SHFL: variants seen among roughly 807,000 people sequenced by gnomAD.
SHFL encodes the protein shiftless antiviral inhibitor of ribosomal frameshifting.
SHFL carries 12 observed loss-of-function variants against 34.7 expected under a neutral mutation model. That is an observed-to-expected ratio of 0.35 (90% CI 0.22 to 0.56). The LOEUF is 0.56. SHFL is among the 20% of genes least tolerant of loss of function. SHFL has a pLI of 0.88. For synonymous variants in SHFL, 148 were observed against 156.0 expected (o/e 0.95, Z 0.38); for missense variants, 278 against 411.1 (o/e 0.68, Z 2.80).
In SHFL at chr19:10,092,791, G is replaced by A. The variant is rs756878062; in HGVS notation, c.*489G>A. The A allele has an allele frequency of 6.3e-7, 1 of 1,584,514 alleles. No individual in the cohort carries two copies. The highest frequency in any genetic ancestry group is 1.1e-5 in the South Asian group (1 of 88,796). On this transcript the variant is annotated 3_prime_UTR_variant, in exon 8 of 8. Coordinates refer to ENST00000253110, the MANE Select transcript of SHFL (RefSeq NM_018381.4). ...CAGGGCACAGTTACCTGAGGGGAGA[G>A]AGAGAGTCCATGTCCTCTCACCAGA...
At position 10,086,502 on chromosome 19, in the gene SHFL, G is replaced by A; in HGVS notation, c.21+54G>A. 3 of 1,328,210 alleles carry A rather than the reference G, an allele frequency of 2.3e-6. No individual in the cohort carries two copies. The highest frequency in any genetic ancestry group is 2.9e-6 in the Non-Finnish European group (3 of 1,031,838). The allele number at this position is 1,328,210 out of a possible 1,614,324, so 82.3% of individuals were successfully genotyped here. A position where few individuals can be genotyped will look rare whatever the true frequency, so the allele number is the denominator to read the frequency against. ...TCAGCCGCGACAGACCCCGAGGAGCGGCCGGGAGGCGCGGAGGGGGCTTCG... is the reference window on the plus strand; with the variant it reads ...TCAGCCGCGACAGACCCCGAGGAGCAGCCGGGAGGCGCGGAGGGGGCTTCG... On this transcript the variant is annotated intron_variant, in intron 1 of 7. Coordinates refer to ENST00000253110, the MANE Select transcript of SHFL (RefSeq NM_018381.4). The surrounding 1 kb of genome is among the most constrained non-coding windows in gnomAD (Gnocchi z 5.2).
In SHFL at chr19:10,087,143, C is replaced by T. The variant is rs1054924224; in HGVS notation, c.145+91C>T. 27 of 1,588,316 alleles carry T rather than the reference C, an allele frequency of 1.7e-5. No homozygotes were observed. The Admixed American group carries it at 3.2e-4, about 19-fold the overall frequency. On this transcript the variant is annotated intron_variant, in intron 2 of 7. Transcript: ENST00000253110. ...CTAGGGAGAGGCGTTGAGATCACCT[C>T]CCCCGGAGGTCCCAGCCTTGGGGAG...
intron 3 of SHFL, 55 bp downstream of exon 3, chr19:10,087,355 G>A (rs763658576): frequency 6.2e-7 from 1 of 1,604,272 alleles, no homozygotes. Context: ...AGAGCAAGAG[G>A]GGGGACCCGA....
chr19:10,092,898 C>G lies in SHFL; in HGVS notation c.*596C>G, dbSNP rs1205474312. ...CCCTCCCATTCTTATTGAATACAAG[C>G]CCTGATCTTCCATCTCCTCAGCAAA... On this transcript the variant is annotated 3_prime_UTR_variant, in exon 8 of 8. Transcript: ENST00000253110. 4 of 824,800 alleles carry G rather than the reference C, an allele frequency of 4.8e-6. No individual in the cohort carries two copies. The highest frequency in any genetic ancestry group is 7.1e-6 in the Non-Finnish European group (4 of 562,160). 51.1% of individuals were successfully genotyped at this position (824,800 alleles called of 1,614,324 possible).
intron 2 of SHFL, 79 bp from the exon 3 acceptor site, chr19:10,087,172 C>G (rs2073185465): frequency 1.2e-6 from 2 of 1,601,938 alleles, no homozygotes; most frequent in Admixed American, 3.4e-5. Flanking sequence ...TGGGGAGGCT[C>G]TGCGTCGCGG....
At chr19:10,089,081 C>T (rs771971817) in intron 3 of SHFL, 34 of 569,884 alleles carry the variant, frequency 6.0e-5, no homozygotes, top group Non-Finnish European at 9.6e-5. Flanking sequence ...CCCCAGGAGA[C>T]AGGTCCTATT....
chr19:10,090,293 C>G (rs536301444), intron 5 of SHFL: 1 of 526,052 alleles, frequency 1.9e-6, no homozygotes, highest in Non-Finnish European at 3.4e-6. Flanking sequence ...CACAATTGAA[C>G]AGCTACTACA....
In SHFL at chr19:10,090,071, G is replaced by A. The variant is rs757891893; in HGVS notation, c.384+24G>A. On this transcript the variant is annotated intron_variant, in intron 5 of 7. Coordinates refer to ENST00000253110, the MANE Select transcript of SHFL (RefSeq NM_018381.4). ...AGGTGATGACCTAAAACTTAACCTC[G>A]ACTTTGACTGTCCCGAACTCCACTC... 1.6e-5 allele frequency: 25 copies of A among 1,588,176 alleles called. No individual in the cohort carries two copies. The East Asian group carries it at 2.5e-4, about 16-fold the overall frequency.
In SHFL at chr19:10,086,549, C is replaced by T; in HGVS notation, c.21+101C>T. On this transcript the variant is annotated intron_variant, in intron 1 of 7. Coordinates refer to ENST00000253110, the MANE Select transcript of SHFL (RefSeq NM_018381.4). The surrounding 1 kb of genome is among the most constrained non-coding windows in gnomAD (Gnocchi z 5.2). ...TTCGCAGTTCCTGGGGACCCCCATC[C>T]TAGAACCCCAGATCCTTACCCCTGC... The T allele has an allele frequency of 1.8e-6, 2 of 1,135,106 alleles. No homozygotes were observed. The highest frequency in any genetic ancestry group is 3.1e-5 in the East Asian group (1 of 32,022). 70.3% of individuals were successfully genotyped at this position (1,135,106 alleles called of 1,614,324 possible). A position where few individuals can be genotyped will look rare whatever the true frequency, so the allele number is the denominator to read the frequency against.
At position 10,091,565 on chromosome 19, in the gene SHFL, G is replaced by A. The variant is rs1445344591; in HGVS notation, c.578G>A (p.Arg193Gln). ...PTRILPPRWD[R>Q]DPDRRSTHTH... ...CGGATCCTCCCCCCGCGCTGGGACC[G>A]GGACCCGGATCGCCGCAGCACCCAC... Residue 193 changes from arginine to glutamine, a missense_variant, in exon 7 of 8, where the codon CGG becomes CAG. Arg to Gln is a conservative substitution (Grantham distance 43, BLOSUM62 1). Transcript: ENST00000253110. This position sits in a 1 kb window ranked among gnomAD's most constrained non-coding sequence, Gnocchi z 8.2. 10 of 1,551,232 alleles carry A rather than the reference G, an allele frequency of 6.4e-6. No individual in the cohort carries two copies. Among genetic ancestry groups the A allele is most frequent in the African/African-American group, 1.4e-5 (1 of 73,032 alleles).
chr19:10,087,246 C>G lies in SHFL; in HGVS notation c.146-5C>G. 1.2e-6 allele frequency: 2 copies of G among 1,614,024 alleles called. No individual in the cohort carries two copies. The highest frequency in any genetic ancestry group is 8.5e-7 in the Non-Finnish European group (1 of 1,179,886). ...CCCTTCCCTTATATGCACTCTCCCC[C>G]GCAGGGGTAAAGCAAAAAGATGGCC... On this transcript the variant is annotated splice_region_variant and splice_polypyrimidine_tract_variant and intron_variant, in intron 2 of 7. Coordinates refer to ENST00000253110, the MANE Select transcript of SHFL (RefSeq NM_018381.4).
chr19:10,090,826 T>G (rs2088370500), intron 5 of SHFL, among the ~76,000 whole-genome samples: 1 of 151,808 alleles, frequency 6.6e-6, no homozygotes, highest in South Asian at 2.1e-4. Context: ...GAGGATCGTT[T>G]GAGCCTGGGA....
chr19:10,093,003 T>A lies in SHFL; in HGVS notation c.*701T>A. On this transcript the variant is annotated 3_prime_UTR_variant, in exon 8 of 8. Coordinates refer to ENST00000253110, the MANE Select transcript of SHFL (RefSeq NM_018381.4). The stretch of plus-strand genomic sequence containing the variant: ...CCCTATCTCCTTACCAAAGTACAAG[T>A]CACATCTTTCCCACCTTTTCTGCAA... 1 of 496,340 alleles carries A rather than the reference T, an allele frequency of 2.0e-6. No individual in the cohort carries two copies. Among genetic ancestry groups the A allele is most frequent in the Admixed American group, 3.7e-5 (1 of 27,388 alleles). 30.7% of individuals were successfully genotyped at this position (496,340 alleles called of 1,614,324 possible).
rs569120318 is a variant in SHFL, at chr19:10,092,243, AAGGAGG to A, written c.828_833del (p.Glu280_Glu281del). The A allele has an allele frequency of 1.9e-6, 3 of 1,610,838 alleles. No individual in the cohort carries two copies. The highest frequency in any genetic ancestry group is 1.3e-5 in the African/African-American group (1 of 74,902). ...GGACAACCTCATCCTGGAGGACCTGAAGGAGGAGGAGGAGGAAGAGGAGGAGGTGGA... is the reference window on the plus strand; with the variant it reads ...GGACAACCTCATCCTGGAGGACCTGAAGGAGGAGGAAGAGGAGGAGGTGGA... On this transcript the variant is annotated inframe_deletion, in exon 8 of 8. Transcript: ENST00000253110.
chr19:10,088,655 TAGC>T (rs1336343909), intron 3 of SHFL, among the ~76,000 whole-genome samples: 1 of 148,936 alleles, frequency 6.7e-6, no homozygotes, highest in Non-Finnish European at 1.5e-5. Context: ...ATAAAAATGA[TAGC>T]AGAGGGGCCA....
At chr19:10,090,686 A>G (rs2088367779) in intron 5 of SHFL, among the ~76,000 whole-genome samples, 2 of 151,506 alleles carry the variant, frequency 1.3e-5, no homozygotes, top group Admixed American at 1.3e-4. Flanking sequence ...CAAGCAATCT[A>G]CCACCTCAGC....
Position 10,086,988 on chromosome 19 carries a change from G to A in SHFL, c.81G>A (p.Lys27=), listed in dbSNP as rs750889944. 73 of 1,613,696 alleles carry A rather than the reference G, an allele frequency of 4.5e-5. 2 individuals are homozygous for A. The South Asian group carries it at 6.7e-4, about 15-fold the overall frequency. ...EKFHGKVSSK[K]AGALMRKFGS... ...TTCATGGGAAGGTATCCTCCAAGAA[G>A]GCGGGGGCTCTGATGAGGAAATTCG... The change falls in exon 2 of 8, where the codon AAG becomes AAA. Residue 27 remains lysine, a synonymous_variant. Transcript: ENST00000253110. The surrounding 1 kb of genome is among the most constrained non-coding windows in gnomAD (Gnocchi z 5.2).
At chr19:10,089,783 G>A in intron 4 of SHFL, 88 bp downstream of exon 4, 1 of 1,555,004 alleles carries the variant, frequency 6.4e-7, no homozygotes, top group South Asian at 1.2e-5. Context: ...CAGGAGGGGA[G>A]ATATTCACTG....
chr19:10,089,042 G>A (rs2088337127), intron 3 of SHFL: 1 of 411,762 alleles, frequency 2.4e-6, no homozygotes, highest in Non-Finnish European at 4.3e-6. Flanking sequence ...CAAGATTCCA[G>A]GAATTTATTT....
Sources: allele counts gnomAD v4.1 joint callset (sites outside exome capture counted in the v4.1 genomes callset), GRCh38; gene constraint gnomAD v4.1.1; non-coding constraint Gnocchi (gnomAD v3.1); transcripts MANE v1.5; gene names NCBI Gene and HGNC (gene_info 2026-07-23, HGNC 2026-07-21).